The following PTPRM variants were observed in gnomAD, a reference collection of about 807,000 sequenced individuals.
PTPRM encodes protein tyrosine phosphatase receptor type M, also known as receptor-type tyrosine-protein phosphatase mu.
In PTPRM, 47 loss-of-function variants were observed where a neutral mutation model predicts 186.7. That is an observed-to-expected ratio of 0.25 (90% CI 0.20 to 0.32). The LOEUF (loss-of-function observed/expected upper bound fraction) is 0.32. PTPRM is among the 10% of genes least tolerant of loss of function. The pLI is 1.00. For synonymous variants in PTPRM, 668 were observed against 674.9 expected, an observed-to-expected ratio of 0.99 and a Z score of 0.16; for missense variants, 1,494 against 1,865.0, an observed-to-expected ratio of 0.80 and a Z score of 3.66.
At chr18:7,955,613 C>G (rs1430469812) in intron 7 of PTPRM, among the ~76,000 whole-genome samples, 199 bp downstream of exon 7, 1 of 152,160 alleles carries the variant, frequency 6.6e-6, no homozygotes, top group Non-Finnish European at 1.5e-5. Context: ...CTTGGTATTT[C>G]TCAGCCTGCC....
chr18:8,111,290 A>G (rs1342435907), intron 11 of PTPRM, among the ~76,000 whole-genome samples: 2 of 152,154 alleles, frequency 1.3e-5, no homozygotes, highest in Non-Finnish European at 2.9e-5. Context: ...AATGAACTGG[A>G]AAAACGATTT....
chr18:8,145,910 C>T lies in PTPRM; in HGVS notation c.2300+2131C>T, dbSNP rs188565255. ...CTAGGTCCTTGAGGAATCACCACAC[C>T]GTCTTCCACAATGGTTGAACTAATT... On this transcript the variant is annotated intron_variant, in intron 14 of 32. Transcript: ENST00000580170. Among the ~76,000 whole-genome samples, 464 of 152,280 alleles carry T rather than the reference C, an allele frequency of 3.0e-3. 12 individuals carry two copies. Among genetic ancestry groups the T allele is most frequent in the Admixed American group, 0.026 (405 of 15,284 alleles).
intron 7 of PTPRM, among the ~76,000 whole-genome samples, chr18:8,028,058 A>G (rs2085687566): frequency 1.3e-5 from 2 of 151,984 alleles, no homozygotes; most frequent in African/African-American, 2.4e-5. Flanking sequence ...CTAGAGTGCA[A>G]TGATAACAAT....
At chr18:8,276,076 G>C (rs532425668) in intron 19 of PTPRM, among the ~76,000 whole-genome samples, 16 of 149,818 alleles carry the variant, frequency 1.1e-4, no homozygotes, top group Non-Finnish European at 2.4e-4. Flanking sequence ...GCCCATTTCT[G>C]TTCTCTACCT....
intron 7 of PTPRM, among the ~76,000 whole-genome samples, chr18:8,027,396 G>A (rs898346240): frequency 1.3e-5 from 2 of 152,084 alleles, no homozygotes; most frequent in Admixed American, 1.3e-4. Flanking sequence ...TAAAATAATA[G>A]AAGTCTTTGC....
intron 1 of PTPRM, among the ~76,000 whole-genome samples, chr18:7,773,570 GTTTTT>G (rs10708698): frequency 4.7e-4 from 60 of 128,840 alleles, no homozygotes; most frequent in East Asian, 6.9e-4. Context: ...TCTTTTCTTT[GTTTTT>G]TTTTTTTTTT....
chr18:7,816,508 ATTC>A (rs2044833058), intron 2 of PTPRM, among the ~76,000 whole-genome samples: 1 of 152,226 alleles, frequency 6.6e-6, no homozygotes, highest in South Asian at 2.1e-4. Flanking sequence ...TGGTATAATT[ATTC>A]TTCTAAAGAT....
chr18:8,018,458 C>T (rs1028237386), intron 7 of PTPRM, among the ~76,000 whole-genome samples: 3 of 152,150 alleles, frequency 2.0e-5, no homozygotes, highest in Non-Finnish European at 2.9e-5. Flanking sequence ...GATTTATCCT[C>T]TGGGCAGAAG....
At chr18:7,596,856 T>C (rs1028408637) in intron 1 of PTPRM, among the ~76,000 whole-genome samples, 6 of 152,058 alleles carry the variant, frequency 3.9e-5, no homozygotes, top group Admixed American at 2.0e-4. Context: ...CTTTTTTTTT[T>C]CCTTTATTTT....
At chr18:8,007,119 A>G (rs2147825914) in intron 7 of PTPRM, among the ~76,000 whole-genome samples, 1 of 152,292 alleles carries the variant, frequency 6.6e-6, no homozygotes, top group Non-Finnish European at 1.5e-5. Context: ...TCTGAATCTC[A>G]GGGGTAGGAC....
chr18:7,906,120 A>G (rs1264206174), intron 3 of PTPRM, among the ~76,000 whole-genome samples: 1 of 152,042 alleles, frequency 6.6e-6, no homozygotes. Context: ...AGCCTCTTCT[A>G]TCTTGGTGTC....
At chr18:8,096,707 A>G (rs529974516) in intron 11 of PTPRM, among the ~76,000 whole-genome samples, 9 of 152,318 alleles carry the variant, frequency 5.9e-5, no homozygotes, top group Admixed American at 5.2e-4. Context: ...CTTCTTAATC[A>G]CAGTTATTGA....
intron 7 of PTPRM, among the ~76,000 whole-genome samples, chr18:8,016,427 TGA>T (rs780195521): frequency 3.3e-5 from 5 of 150,714 alleles, no homozygotes; most frequent in Non-Finnish European, 4.4e-5. Context: ...GACCGAGGCA[TGA>T]GAGTCACTTG....
intron 1 of PTPRM, among the ~76,000 whole-genome samples, chr18:7,616,237 G>T (rs1235527873): frequency 6.6e-6 from 1 of 152,140 alleles, no homozygotes; most frequent in Admixed American, 6.5e-5. Flanking sequence ...GCTCACTGCG[G>T]CCTTGACCTC....
rs561536343 is a variant in PTPRM, at chr18:8,313,967, A to G, written c.2843-814A>G. ...GGAATTTGAAACCAGCGTGGGCAACATAGCCAGACCCCATTTCTGAAAAAA... is the reference window on the plus strand; with the variant it reads ...GGAATTTGAAACCAGCGTGGGCAACGTAGCCAGACCCCATTTCTGAAAAAA... On this transcript the variant is annotated intron_variant, in intron 20 of 32. Transcript: ENST00000580170. Among the ~76,000 whole-genome samples, 7 of 152,322 alleles carry G rather than the reference A, an allele frequency of 4.6e-5. No homozygotes were observed. The East Asian group carries it at 1.4e-3, about 29-fold the overall frequency.
chr18:8,258,370 G>C (rs1035388808), intron 19 of PTPRM, among the ~76,000 whole-genome samples: 1 of 152,124 alleles, frequency 6.6e-6, no homozygotes, highest in Non-Finnish European at 1.5e-5. Flanking sequence ...TTCTCAGCTA[G>C]AGTTGAACAG....
intron 19 of PTPRM, among the ~76,000 whole-genome samples, chr18:8,288,173 G>A (rs1156853409): frequency 6.6e-6 from 1 of 152,214 alleles, no homozygotes; most frequent in Non-Finnish European, 1.5e-5. Context: ...AGAGAGTCTT[G>A]CAGGAAGAAG....
intron 5 of PTPRM, among the ~76,000 whole-genome samples, chr18:7,934,366 G>A (rs966871620): frequency 6.6e-6 from 1 of 152,104 alleles, no homozygotes; most frequent in South Asian, 2.1e-4. Flanking sequence ...CTGGGTATGA[G>A]CTACGCAATC....
chr18:8,012,714 C>T (rs1387844644), intron 7 of PTPRM, among the ~76,000 whole-genome samples: 3 of 152,176 alleles, frequency 2.0e-5, no homozygotes, highest in African/African-American at 7.2e-5. Flanking sequence ...CATTTGAGAC[C>T]ACCGTCATAT....
Sources: gnomAD v4.1 joint callset for allele counts (sites outside exome capture counted in the v4.1 genomes callset) on GRCh38, gnomAD v4.1.1 for gene constraint, MANE v1.5 for transcripts, NCBI Gene and HGNC (gene_info 2026-07-23, HGNC 2026-07-21) for gene names.